The following NHS variants were observed in gnomAD, a reference collection of about 807,000 sequenced individuals.
NHS encodes the protein actin remodeling regulator NHS.
NHS carries 5 observed loss-of-function variants against 72.5 expected under a neutral mutation model. The observed-to-expected ratio is 0.07, with a 90% CI of 0.04 to 0.14. NHS has a LOEUF of 0.14. NHS is among the 10% of genes least tolerant of loss of function. The pLI is 1.00. For synonymous variants in NHS, 464 were observed against 547.7 expected (o/e 0.85, Z 2.13); for missense variants, 1,072 against 1,355.7 (o/e 0.79, Z 3.29).
At position 17,584,434 on chromosome X, in the gene NHS, A is replaced by G. The variant is rs148718680; in HGVS notation, c.566-103308A>G. On this transcript the variant is annotated intron_variant, in intron 1 of 8. Coordinates refer to ENST00000676302, the MANE Select transcript of NHS (RefSeq NM_001291867.2). Reference sequence around the variant, plus strand: ...TGCCTGCTGCCTTGGTGGGCCTCCTATTGGTGTTTGTTCACCATCAGTGTC... The same window carrying G: ...TGCCTGCTGCCTTGGTGGGCCTCCTGTTGGTGTTTGTTCACCATCAGTGTC... Among the ~76,000 whole-genome samples the G allele has an allele frequency of 6.0e-3, 669 of 111,728 alleles. 1 individual carries two copies. The highest frequency in any genetic ancestry group is 0.032 in the Middle Eastern group (7 of 217).
At chrX:17,390,419 C>T (rs1315108860) in intron 1 of NHS, among the ~76,000 whole-genome samples, 4 of 105,773 alleles carry the variant, frequency 3.8e-5, no homozygotes, top group Admixed American at 1.0e-4. Flanking sequence ...TACAAGATGG[C>T]GCATGTTTAT....
chrX:17,543,943 G>A (rs1381717306), intron 1 of NHS, among the ~76,000 whole-genome samples: 1 of 111,794 alleles, frequency 8.9e-6, no homozygotes, highest in East Asian at 2.8e-4. Context: ...TATAAATCAT[G>A]GTTTCTTTCT....
At chrX:17,465,493 G>A (rs939573892) in intron 1 of NHS, among the ~76,000 whole-genome samples, 12 of 110,473 alleles carry the variant, frequency 1.1e-4, no homozygotes, top group African/African-American at 4.0e-4. Context: ...TATTTATAAT[G>A]GTATTTGTGG....
intron 1 of NHS, among the ~76,000 whole-genome samples, chrX:17,413,194 A>G (rs1367988627): frequency 3.7e-5 from 4 of 109,532 alleles, no homozygotes; most frequent in African/African-American, 1.3e-4. Context: ...GTCTGGAAAA[A>G]CTCCTGTACA....
intron 1 of NHS, among the ~76,000 whole-genome samples, chrX:17,377,969 A>G (rs2064355385): frequency 3.6e-5 from 4 of 112,080 alleles, no homozygotes; most frequent in African/African-American, 1.3e-4. Flanking sequence ...CAGCGCAGGT[A>G]TCTGGGGAGT....
In NHS at chrX:17,609,063, A is replaced by G. The variant is rs183696806; in HGVS notation, c.566-78679A>G. Among the ~76,000 whole-genome samples the G allele has an allele frequency of 5.4e-5, 6 of 111,838 alleles. No homozygotes were observed. The Admixed American group carries it at 5.7e-4, about 11-fold the overall frequency. Reference sequence around the variant, plus strand: ...AGTGCTCAGACCATACAGTTGTGAAATATTTTGAATATCACCCCTGGATAT... The same window carrying G: ...AGTGCTCAGACCATACAGTTGTGAAGTATTTTGAATATCACCCCTGGATAT... On this transcript the variant is annotated intron_variant, in intron 1 of 8. Coordinates refer to ENST00000676302, the MANE Select transcript of NHS (RefSeq NM_001291867.2).
rs1193848399 is a variant in NHS, at chrX:17,701,985, G to A, written c.852+9517G>A. The stretch of plus-strand genomic sequence containing the variant: ...TCAAAACATGCGTTATAATGAAATT[G>A]ACTGTACAGGAAGGAAAAACCAGAA... On this transcript the variant is annotated intron_variant, in intron 3 of 8. Transcript: ENST00000676302. Among the ~76,000 whole-genome samples, 5 of 111,304 alleles carry A rather than the reference G, an allele frequency of 4.5e-5. 1 individual carries two copies. The Admixed American group carries it at 4.8e-4, about 11-fold the overall frequency.
chrX:17,436,072 A>T (rs1190374381), intron 1 of NHS, among the ~76,000 whole-genome samples: 1 of 112,206 alleles, frequency 8.9e-6, no homozygotes, highest in Admixed American at 9.4e-5. Flanking sequence ...AAAGCATGAA[A>T]CCAGTGCCTT....
At chrX:17,459,936 A>G (rs1387467820) in intron 1 of NHS, among the ~76,000 whole-genome samples, 1 of 112,226 alleles carries the variant, frequency 8.9e-6, no homozygotes, top group Non-Finnish European at 1.9e-5. Context: ...AGAGGCATTT[A>G]ATACACTGCA....
At position 17,697,727 on chromosome X, in the gene NHS, A is replaced by G. The variant is rs2066239329; in HGVS notation, c.852+5259A>G. ...CTAAGGTGCAATTTTAAATGTTGTG[A>G]CAACAGAGAATGATACAACTAAAAA... On this transcript the variant is annotated intron_variant, in intron 3 of 8. Transcript: ENST00000676302. Among the ~76,000 whole-genome samples, 3 of 111,639 alleles carry G rather than the reference A, an allele frequency of 2.7e-5. No homozygotes were observed. The South Asian group carries it at 1.1e-3, about 41-fold the overall frequency.
At chrX:17,630,832 C>T (rs1020906112) in intron 1 of NHS, among the ~76,000 whole-genome samples, 9 of 111,879 alleles carry the variant, frequency 8.0e-5, no homozygotes, top group Admixed American at 3.8e-4. Context: ...TCAAACCTGA[C>T]TGCACCTCAG....
At chrX:17,723,735 G>C in intron 5 of NHS, among the ~76,000 whole-genome samples, 1 of 87,692 alleles carries the variant, frequency 1.1e-5, no homozygotes, top group African/African-American at 5.5e-5. Context: ...AGGTGTGTGT[G>C]TGTGTGTGTG....
At chrX:17,424,469 T>C (rs1355673244) in intron 1 of NHS, among the ~76,000 whole-genome samples, 2 of 112,041 alleles carry the variant, frequency 1.8e-5, no homozygotes, top group African/African-American at 3.2e-5. Context: ...CAAAGGTTTA[T>C]GCATTTGGGT....
At chrX:17,408,241 A>C (rs1163035335) in intron 1 of NHS, among the ~76,000 whole-genome samples, 1 of 111,025 alleles carries the variant, frequency 9.0e-6, no homozygotes, top group Non-Finnish European at 1.9e-5. Flanking sequence ...CCTGGGCTCA[A>C]GCGACTCTCC....
chrX:17,556,988 C>CTA (rs1444770713), intron 1 of NHS, among the ~76,000 whole-genome samples: 3 of 98,359 alleles, frequency 3.1e-5, no homozygotes, highest in Admixed American at 2.2e-4. Flanking sequence ...ATATATATAT[C>CTA]TATATATATA....
intron 1 of NHS, among the ~76,000 whole-genome samples, chrX:17,500,838 T>G (rs1378576580): frequency 1.8e-5 from 2 of 111,749 alleles, no homozygotes; most frequent in African/African-American, 6.5e-5. Context: ...ACTTTCTTAG[T>G]TGAGTCCCTT....
chrX:17,516,822 G>A (rs2065124124), intron 1 of NHS, among the ~76,000 whole-genome samples: 1 of 111,814 alleles, frequency 8.9e-6, no homozygotes, highest in Non-Finnish European at 1.9e-5. Context: ...CCCAGGAATG[G>A]GAATATATGG....
At chrX:17,466,835 G>A (rs766574220) in intron 1 of NHS, among the ~76,000 whole-genome samples, 10 of 111,928 alleles carry the variant, frequency 8.9e-5, no homozygotes, top group South Asian at 7.5e-4. Context: ...GTTTGATCCC[G>A]TGATGTGAGA....
chrX:17,382,787 C>T (rs1025184796), intron 1 of NHS, among the ~76,000 whole-genome samples: 6 of 111,899 alleles, frequency 5.4e-5, no homozygotes, highest in African/African-American at 2.0e-4. Flanking sequence ...TTGTTGGTGC[C>T]CTGTCTATAT....
Sources: gnomAD v4.1 joint callset for allele counts (sites outside exome capture counted in the v4.1 genomes callset) on GRCh38, gnomAD v4.1.1 for gene constraint, MANE v1.5 for transcripts, NCBI Gene and HGNC (gene_info 2026-07-23, HGNC 2026-07-21) for gene names.